The following BMPER variants were observed in gnomAD, a reference collection of about 807,000 sequenced individuals.
The protein encoded by BMPER is BMP-binding endothelial regulator protein.
BMPER carries 45 observed loss-of-function variants against 87.3 expected under a neutral mutation model. That is an observed-to-expected ratio of 0.52 (90% CI 0.41 to 0.66). BMPER has a LOEUF of 0.66. BMPER is among the 30% of genes least tolerant of loss of function. The probability of loss-of-function intolerance (pLI) is 0.00; values close to 1 mark genes in which losing one functional copy is unlikely to be tolerated. For synonymous variants in BMPER, 326 were observed against 316.2 expected, an observed-to-expected ratio of 1.03 and a Z score of -0.33; for missense variants, 784 against 867.5, an observed-to-expected ratio of 0.90 and a Z score of 1.21.
rs759115397 is a variant in BMPER at position 33,937,250 on chromosome 7, G to A, written c.220-39G>A. ...TGTTAGGATTTGGGGAATTCTGTTT[G>A]ATGTCTATTTCAAATCTCTCGTGTC... is the stretch of plus-strand genomic sequence containing the variant. On this transcript the variant is annotated intron_variant, in intron 2 of 14. Transcript: ENST00000649409. 3.8e-6 allele frequency: 6 copies of A among 1,593,806 alleles called. No homozygotes were observed. In the East Asian group the frequency reaches 1.3e-4, roughly 36 times the overall value.
rs547905092 is a variant in BMPER, at chr7:33,979,999, A to G, written c.576+5215A>G. On this transcript the variant is annotated intron_variant, in intron 6 of 14. Coordinates refer to ENST00000649409, the MANE Select transcript of BMPER (RefSeq NM_001365308.1). ...TCCTGGTTTCAGCTGGTCCATCTCTATGGCATTCCAGACAGTTGAGAACGT... is the reference window on the plus strand; with the variant it reads ...TCCTGGTTTCAGCTGGTCCATCTCTGTGGCATTCCAGACAGTTGAGAACGT... Among the ~76,000 whole-genome samples the G allele has an allele frequency of 3.9e-5, 6 of 152,334 alleles. No homozygotes were observed. In the South Asian group the frequency reaches 8.3e-4, roughly 21 times the overall value.
intron 6 of BMPER, among the ~76,000 whole-genome samples, chr7:33,978,924 A>G (rs554751734): frequency 6.6e-6 from 1 of 152,288 alleles, no homozygotes; most frequent in South Asian, 2.1e-4. Context: ...TACGAGTACT[A>G]AAAAGTACAT....
chr7:33,907,934 A>T (rs1257518760), intron 2 of BMPER, among the ~76,000 whole-genome samples: 1 of 152,236 alleles, frequency 6.6e-6, no homozygotes, highest in Non-Finnish European at 1.5e-5. Flanking sequence ...TTTTGAAGTG[A>T]TAAATGGGTG....
At chr7:34,056,417 AAG>A (rs1028467827) in intron 9 of BMPER, among the ~76,000 whole-genome samples, 21 of 152,168 alleles carry the variant, frequency 1.4e-4, no homozygotes, top group African/African-American at 4.6e-4. Context: ...AAAATTAAAA[AAG>A]AGAAAACAAC....
chr7:33,951,728 CTAAG>C (rs1785029482), intron 3 of BMPER, among the ~76,000 whole-genome samples: 1 of 152,162 alleles, frequency 6.6e-6, no homozygotes, highest in Non-Finnish European at 1.5e-5. Flanking sequence ...AAAATTGGAA[CTAAG>C]TTTCAATCTT....
chr7:33,929,869 C>A (rs944530608), intron 2 of BMPER, among the ~76,000 whole-genome samples: 4 of 152,216 alleles, frequency 2.6e-5, no homozygotes, highest in African/African-American at 7.2e-5. Context: ...TGTTATTATT[C>A]TTAATAGTTC....
At chr7:34,031,224 G>A (rs1787508993) in intron 6 of BMPER, among the ~76,000 whole-genome samples, 2 of 151,898 alleles carry the variant, frequency 1.3e-5, no homozygotes, top group South Asian at 2.1e-4. Flanking sequence ...CTATAACTGC[G>A]GGGTTGCCTC....
At chr7:33,995,033 C>T (rs2127930441) in intron 6 of BMPER, among the ~76,000 whole-genome samples, 1 of 152,052 alleles carries the variant, frequency 6.6e-6, no homozygotes, top group South Asian at 2.1e-4. Flanking sequence ...TTAAAATTTA[C>T]TTTTGAATTT....
intron 2 of BMPER, among the ~76,000 whole-genome samples, chr7:33,931,946 T>TTG (rs941938645): frequency 8.5e-5 from 13 of 152,214 alleles, no homozygotes; most frequent in Admixed American, 2.6e-4. Context: ...ACCACAGTGT[T>TTG]TGTGTGATCT....
intron 6 of BMPER, among the ~76,000 whole-genome samples, chr7:33,997,361 C>A (rs937245361): frequency 7.9e-5 from 12 of 152,106 alleles, no homozygotes; most frequent in African/African-American, 2.9e-4. Context: ...AGTTGTAATC[C>A]CCATGTGTTG....
chr7:34,015,138 A>G (rs1235831201), intron 6 of BMPER, among the ~76,000 whole-genome samples: 1 of 151,976 alleles, frequency 6.6e-6, no homozygotes, highest in East Asian at 1.9e-4. Flanking sequence ...CAAATATACC[A>G]AAGTAAAGGT....
intron 13 of BMPER, among the ~76,000 whole-genome samples, chr7:34,095,191 A>G (rs1231218556): frequency 6.6e-6 from 1 of 152,092 alleles, no homozygotes; most frequent in Non-Finnish European, 1.5e-5. Flanking sequence ...GAAATAATCA[A>G]CTCGCCCTCA....
chr7:33,962,681 A>G (rs764670224), intron 3 of BMPER, among the ~76,000 whole-genome samples: 12 of 152,220 alleles, frequency 7.9e-5, no homozygotes, highest in Non-Finnish European at 1.5e-4. Flanking sequence ...ATTTTATCAG[A>G]ACATTACCAC....
At chr7:33,987,619 A>G (rs139284788) in intron 6 of BMPER, among the ~76,000 whole-genome samples, 154 of 152,240 alleles carry the variant, frequency 1.0e-3, no homozygotes, top group African/African-American at 3.4e-3. Context: ...CATGGCAGGT[A>G]TAAGTGACCA....
intron 4 of BMPER, among the ~76,000 whole-genome samples, chr7:33,969,485 C>T (rs1415473822): frequency 7.9e-5 from 12 of 152,148 alleles, no homozygotes; most frequent in East Asian, 3.9e-4. Context: ...CTGCAAGCTC[C>T]GCCTCCTGGG....
chr7:34,082,486 G>A (rs973258381), intron 12 of BMPER, among the ~76,000 whole-genome samples: 1 of 152,104 alleles, frequency 6.6e-6, no homozygotes, highest in South Asian at 2.1e-4. Flanking sequence ...ACAATGCAAA[G>A]CCTAGCATTG....
intron 7 of BMPER, among the ~76,000 whole-genome samples, chr7:34,047,820 T>TTCC (rs1562709450): frequency 0.089 from 11,960 of 134,120 alleles, 39 homozygotes; most frequent in Non-Finnish European, 0.1. Flanking sequence ...TCTTCCTCAC[T>TTCC]TTCCTACTTT....
chr7:34,143,463 C>A, intron 14 of BMPER, 103 bp downstream of exon 14: 2 of 1,533,466 alleles, frequency 1.3e-6, no homozygotes, highest in East Asian at 2.4e-5. Context: ...CACATGCCCC[C>A]TTGCCAGAGG....
chr7:33,927,829 C>T (rs1315575589), intron 2 of BMPER, among the ~76,000 whole-genome samples: 3 of 152,192 alleles, frequency 2.0e-5, no homozygotes, highest in African/African-American at 7.2e-5. Flanking sequence ...GGTTCATCAT[C>T]TTCTACTTAG....
Sources: allele counts gnomAD v4.1 joint callset (sites outside exome capture counted in the v4.1 genomes callset), GRCh38; gene constraint gnomAD v4.1.1; transcripts MANE v1.5; gene names NCBI Gene and HGNC (gene_info 2026-07-23, HGNC 2026-07-21).